Variants in SDK1 observed in about 807,000 individuals in gnomAD.
SDK1 encodes the protein protein sidekick-1.
A neutral mutation model predicts 245.5 loss-of-function variants in SDK1; 157 were observed. The ratio of observed to expected loss-of-function variants is 0.64; its 90% CI spans 0.56 to 0.73. SDK1 has a LOEUF of 0.73. Ranked by LOEUF, SDK1 falls within the 30% of genes least tolerant of loss-of-function variation. SDK1 has a pLI of 0.00. For synonymous variants in SDK1, 1,647 were observed against 1,278.5 expected (o/e 1.29, Z -6.15); for missense variants, 3,583 against 3,002.3 (o/e 1.19, Z -4.52).
At chr7:3,690,589 G>A (rs535126815) in intron 4 of SDK1, among the ~76,000 whole-genome samples, 1 of 152,122 alleles carries the variant, frequency 6.6e-6, no homozygotes, top group Admixed American at 6.6e-5. Context: ...GATATTGATT[G>A]AATTATAAGA....
At chr7:3,644,802 A>G (rs372177982) in intron 4 of SDK1, among the ~76,000 whole-genome samples, 15,422 of 127,660 alleles carry the variant, frequency 0.12, 1,730 homozygotes, top group South Asian at 0.2. Context: ...ACAAAAAACA[A>G]CAACAACGGC....
chr7:3,526,684 G>A (rs1051068260), intron 1 of SDK1, among the ~76,000 whole-genome samples: 2 of 151,922 alleles, frequency 1.3e-5, no homozygotes, highest in African/African-American at 4.8e-5. Context: ...TTTTTGTCAA[G>A]TTTTTCTTCA....
chr7:3,388,152 T>C (rs994536774), intron 1 of SDK1, among the ~76,000 whole-genome samples: 6 of 152,158 alleles, frequency 3.9e-5, no homozygotes, highest in Non-Finnish European at 4.4e-5. Context: ...CAGAGTAGCT[T>C]CTCTAGTCTT....
At chr7:4,225,630 C>T (rs925515760) in intron 40 of SDK1, among the ~76,000 whole-genome samples, 1 of 152,176 alleles carries the variant, frequency 6.6e-6, no homozygotes, top group Non-Finnish European at 1.5e-5. Flanking sequence ...GCCCAGGGAG[C>T]CTGGCAGGCC....
chr7:3,533,062 A>G (rs755667967), intron 1 of SDK1, among the ~76,000 whole-genome samples: 3 of 152,360 alleles, frequency 2.0e-5, no homozygotes, highest in Middle Eastern at 6.8e-3. Context: ...CTATCAAATT[A>G]TACATGTATT....
At chr7:3,504,149 C>CA (rs1049978079) in intron 1 of SDK1, among the ~76,000 whole-genome samples, 31 of 127,218 alleles carry the variant, frequency 2.4e-4, no homozygotes, top group East Asian at 1.3e-3. Flanking sequence ...GACTCCTTCT[C>CA]AAAAAAAAAC....
intron 1 of SDK1, among the ~76,000 whole-genome samples, chr7:3,562,904 G>A (rs1423088224): frequency 3.6e-5 from 1 of 28,158 alleles, no homozygotes; most frequent in Non-Finnish European, 6.5e-5. Flanking sequence ...AAATACACGG[G>A]CAGCTACAAG....
chr7:3,450,020 C>G (rs1562493262), intron 1 of SDK1, among the ~76,000 whole-genome samples: 1 of 152,100 alleles, frequency 6.6e-6, no homozygotes, highest in African/African-American at 2.4e-5. Flanking sequence ...GAGCTGCGCT[C>G]CAGAGGAAGA....
chr7:3,773,199 C>A (rs970843128), intron 4 of SDK1, among the ~76,000 whole-genome samples: 2 of 152,060 alleles, frequency 1.3e-5, no homozygotes, highest in African/African-American at 4.8e-5. Flanking sequence ...TTTATTGTGT[C>A]CCTCAAGTCC....
chr7:3,626,982 C>T (rs1341975227), intron 2 of SDK1, among the ~76,000 whole-genome samples: 1 of 151,834 alleles, frequency 6.6e-6, no homozygotes, highest in Non-Finnish European at 1.5e-5. Context: ...CGCTGGAGTA[C>T]AGTGGCACAG....
intron 20 of SDK1, among the ~76,000 whole-genome samples, chr7:4,071,589 G>T (rs571751447): frequency 3.3e-5 from 5 of 152,334 alleles, no homozygotes; most frequent in African/African-American, 1.2e-4. Flanking sequence ...GGGCACTATA[G>T]ACTGCAGGAA....
Position 4,267,090 on chromosome 7 carries a change from G to C in SDK1, c.*1706G>C. The C allele has an allele frequency of 1.0e-6, 1 of 985,478 alleles. No homozygotes were observed. Among genetic ancestry groups the C allele is most frequent in the Non-Finnish European group, 1.2e-6 (1 of 829,964 alleles). The allele number at this position is 985,478 out of a possible 1,614,324, so 61.0% of individuals were successfully genotyped here. ...AGCGTTGCTGAGTATGGCCCCAGGA[G>C]ACCAAGGAGAGTTTTGTATAGGCTG... On this transcript the variant is annotated 3_prime_UTR_variant, in exon 45 of 45. Transcript: ENST00000404826.
At chr7:3,640,370 GAAATA>G (rs1255550685) in intron 3 of SDK1, among the ~76,000 whole-genome samples, 1 of 152,144 alleles carries the variant, frequency 6.6e-6, no homozygotes, top group Non-Finnish European at 1.5e-5. Context: ...GTGAGTAGAT[GAAATA>G]AAATAATATC....
At chr7:3,850,954 A>G (rs542985324) in intron 5 of SDK1, among the ~76,000 whole-genome samples, 2 of 152,306 alleles carry the variant, frequency 1.3e-5, no homozygotes, top group African/African-American at 2.4e-5. Context: ...ACATGTATAC[A>G]TATGTAACAA....
chr7:3,556,917 A>G (rs1197410166), intron 1 of SDK1, among the ~76,000 whole-genome samples: 2 of 152,208 alleles, frequency 1.3e-5, no homozygotes, highest in African/African-American at 4.8e-5. Context: ...ATTATTACAC[A>G]TTGTATGTCT....
chr7:3,610,515 G>A (rs942930852), intron 1 of SDK1, among the ~76,000 whole-genome samples: 1 of 152,172 alleles, frequency 6.6e-6, no homozygotes, highest in Non-Finnish European at 1.5e-5. Context: ...GCTTATTTCA[G>A]TTTGGAGAAA....
intron 1 of SDK1, chr7:3,337,887 G>A (rs184423076): frequency 1.1e-4 from 16 of 152,208 alleles, no homozygotes; most frequent in African/African-American, 3.9e-4. Flanking sequence ...TTAAAAACTA[G>A]GTAAAAGTTC....
At chr7:3,466,051 A>ATGGGCAAC (rs1465072255) in intron 1 of SDK1, among the ~76,000 whole-genome samples, 1 of 151,952 alleles carries the variant, frequency 6.6e-6, no homozygotes, top group African/African-American at 2.4e-5. Context: ...CTCTTCTCAG[A>ATGGGCAAC]TGGGCAACTC....
chr7:4,151,238 C>T (rs1052086737), intron 30 of SDK1, among the ~76,000 whole-genome samples: 1 of 152,146 alleles, frequency 6.6e-6, no homozygotes, highest in Non-Finnish European at 1.5e-5. Flanking sequence ...GCAAGGAAGC[C>T]AGCGCCCCAG....
Sources: gnomAD v4.1 joint callset for allele counts (sites outside exome capture counted in the v4.1 genomes callset) on GRCh38, gnomAD v4.1.1 for gene constraint, MANE v1.5 for transcripts, NCBI Gene and HGNC (gene_info 2026-07-23, HGNC 2026-07-21) for gene names.